The following SYN3 variants were observed in gnomAD, a reference collection of about 807,000 sequenced individuals.
SYN3 encodes the protein synapsin-3.
A neutral mutation model predicts 65.8 loss-of-function variants in SYN3; 35 were observed. The ratio of observed to expected loss-of-function variants is 0.53; its 90% confidence interval spans 0.41 to 0.70. The LOEUF is 0.70. Ranked by LOEUF, SYN3 falls within the 30% of genes least tolerant of loss-of-function variation. The pLI, the probability that SYN3 is intolerant of heterozygous loss-of-function variation, is 0.00. For synonymous variants in SYN3, 270 were observed against 292.9 expected (o/e 0.92, Z 0.80); for missense variants, 680 against 749.0 (o/e 0.91, Z 1.08).
At chr22:32,752,280 C>A (rs961362125) in intron 6 of SYN3, among the ~76,000 whole-genome samples, 1 of 152,170 alleles carries the variant, frequency 6.6e-6, no homozygotes, top group African/African-American at 2.4e-5. Context: ...CGATATCCTG[C>A]AACCACTGAG....
chr22:32,713,430 C>T lies in SYN3; in HGVS notation c.712-116694G>A, dbSNP rs79825295. ...GCTTCTCATGCAAGCCTTCAGTGGG[C>T]TCCAGCATATTGCTGAAGATCATGT... On this transcript the variant is annotated intron_variant, in intron 6 of 13. Transcript: ENST00000358763. 6.7e-3 allele frequency among the ~76,000 whole-genome samples: 1,028 copies of T among 152,308 alleles called. 9 individuals are homozygous for T. The highest frequency in any genetic ancestry group is 0.011 in the Non-Finnish European group (718 of 68,026).
chr22:33,008,364 C>T (rs1289910106), intron 1 of SYN3, among the ~76,000 whole-genome samples: 1 of 152,148 alleles, frequency 6.6e-6, no homozygotes, highest in Non-Finnish European at 1.5e-5. Flanking sequence ...TCAGAAAGTT[C>T]TTTTGTACCC....
chr22:32,823,608 C>A (rs2047316746), intron 6 of SYN3, among the ~76,000 whole-genome samples: 1 of 152,110 alleles, frequency 6.6e-6, no homozygotes, highest in Admixed American at 6.6e-5. Flanking sequence ...AGAAGCATTG[C>A]CAAGAGCAAC....
chr22:32,707,315 G>A (rs150238791), intron 6 of SYN3, among the ~76,000 whole-genome samples: 36 of 152,294 alleles, frequency 2.4e-4, no homozygotes, highest in African/African-American at 8.4e-4. Flanking sequence ...ACTCATGTTA[G>A]TGTAAGTCAG....
At chr22:33,025,550 C>T (rs1457538765) in intron 1 of SYN3, among the ~76,000 whole-genome samples, 1 of 151,574 alleles carries the variant, frequency 6.6e-6, no homozygotes, top group Non-Finnish European at 1.5e-5. Context: ...AGGAGAATCG[C>T]TTGAACCTGG....
At chr22:32,640,727 C>T (rs1461660338) in intron 6 of SYN3, among the ~76,000 whole-genome samples, 1 of 152,000 alleles carries the variant, frequency 6.6e-6, no homozygotes, top group African/African-American at 2.4e-5. Flanking sequence ...ATTAGCCGGG[C>T]GTGGTGGCGG....
At chr22:32,945,635 G>A (rs2051084907) in intron 3 of SYN3, among the ~76,000 whole-genome samples, 1 of 152,072 alleles carries the variant, frequency 6.6e-6, no homozygotes, top group African/African-American at 2.4e-5. Flanking sequence ...GCATGGGCAA[G>A]GACTTCATGT....
intron 1 of SYN3, among the ~76,000 whole-genome samples, chr22:33,035,659 G>C (rs1388414906): frequency 6.6e-6 from 1 of 152,198 alleles, no homozygotes; most frequent in Non-Finnish European, 1.5e-5. Context: ...GCTGACTGCA[G>C]ACTCATACTC....
chr22:32,871,315 G>C (rs1366637957), intron 4 of SYN3, among the ~76,000 whole-genome samples: 1 of 152,214 alleles, frequency 6.6e-6, no homozygotes, highest in African/African-American at 2.4e-5. Context: ...CCCGACTCTG[G>C]CTCCAGATAT....
chr22:32,611,804 G>T (rs1385555336), intron 6 of SYN3, among the ~76,000 whole-genome samples: 1 of 152,126 alleles, frequency 6.6e-6, no homozygotes, highest in African/African-American at 2.4e-5. Context: ...TGAGTGACAG[G>T]GGTGCTGGGA....
intron 1 of SYN3, among the ~76,000 whole-genome samples, chr22:33,038,004 A>G (rs2145922930): frequency 6.6e-6 from 1 of 152,342 alleles, no homozygotes; most frequent in East Asian, 1.9e-4. Context: ...GTTAAAAAAA[A>G]AAAGGAATAA....
intron 6 of SYN3, among the ~76,000 whole-genome samples, chr22:32,686,108 CTTTTT>C (rs1192595743): frequency 6.6e-6 from 1 of 151,998 alleles, no homozygotes; most frequent in African/African-American, 2.4e-5. Context: ...TTTTCTTGTT[CTTTTT>C]TATTTCTTTT....
chr22:32,599,435 C>T (rs555945864), intron 6 of SYN3, among the ~76,000 whole-genome samples: 17 of 152,122 alleles, frequency 1.1e-4, no homozygotes, highest in African/African-American at 3.9e-4. Context: ...CATTCTCCTG[C>T]CTCAGCCTCC....
At chr22:33,030,301 G>C (rs888270209) in intron 1 of SYN3, among the ~76,000 whole-genome samples, 3 of 152,232 alleles carry the variant, frequency 2.0e-5, no homozygotes, top group African/African-American at 4.8e-5. Context: ...AGACAAAGGG[G>C]ACCTTCTGGA....
chr22:32,729,125 C>A (rs1328432864), intron 6 of SYN3, among the ~76,000 whole-genome samples: 1 of 152,184 alleles, frequency 6.6e-6, no homozygotes, highest in Non-Finnish European at 1.5e-5. Context: ...ATTCAGCTAT[C>A]CATTTGTTAA....
intron 5 of SYN3, among the ~76,000 whole-genome samples, chr22:32,866,167 C>T (rs2048684617): frequency 6.6e-6 from 1 of 152,162 alleles, no homozygotes; most frequent in African/African-American, 2.4e-5. Context: ...AAGGAATCAA[C>T]TGGAATTTGT....
intron 7 of SYN3, among the ~76,000 whole-genome samples, chr22:32,569,368 T>C (rs1388605261): frequency 6.6e-6 from 1 of 151,042 alleles, no homozygotes; most frequent in African/African-American, 2.5e-5. Flanking sequence ...TATCCATCTA[T>C]ACCTATCTAA....
At chr22:32,907,839 G>T (rs1178304580) in intron 4 of SYN3, among the ~76,000 whole-genome samples, 1 of 152,156 alleles carries the variant, frequency 6.6e-6, no homozygotes, top group Non-Finnish European at 1.5e-5. Flanking sequence ...ACACCACTCT[G>T]TCTATGGGTA....
At chr22:32,705,346 T>C (rs1391698899) in intron 6 of SYN3, among the ~76,000 whole-genome samples, 1 of 152,220 alleles carries the variant, frequency 6.6e-6, no homozygotes, top group Non-Finnish European at 1.5e-5. Flanking sequence ...GTTGACTTTA[T>C]CAAAGATCAG....
Sources: allele counts gnomAD v4.1 joint callset (sites outside exome capture counted in the v4.1 genomes callset), GRCh38; gene constraint gnomAD v4.1.1; transcripts MANE v1.5; gene names NCBI Gene and HGNC (gene_info 2026-07-23, HGNC 2026-07-21).